MACROD2: variants seen among roughly 807,000 people sequenced by gnomAD.
MACROD2 encodes mono-ADP ribosylhydrolase 2.
MACROD2 carries 36 observed loss-of-function variants against 70.4 expected under a neutral mutation model. The ratio of observed to expected loss-of-function variants is 0.51; its 90% confidence interval spans 0.39 to 0.68. MACROD2 has a LOEUF of 0.68. MACROD2 is among the 30% of genes least tolerant of loss of function. MACROD2 has a pLI of 0.00. For missense variants in MACROD2, 496 were observed against 538.4 expected (o/e 0.92, Z 0.78); for synonymous variants, 172 against 178.8 (o/e 0.96, Z 0.30).
chr20:14,235,920 TA>T (rs5840599), intron 3 of MACROD2, among the ~76,000 whole-genome samples: 147,396 of 152,140 alleles, frequency 0.97, 71,416 homozygotes, highest in Admixed American at 0.99. Flanking sequence ...AAAACATACT[TA>T]ATAGTATTAC....
intron 8 of MACROD2, among the ~76,000 whole-genome samples, chr20:15,697,059 C>G (rs758940098): frequency 6.6e-6 from 1 of 151,896 alleles, no homozygotes; most frequent in Non-Finnish European, 1.5e-5. Context: ...TCATTTAGTT[C>G]TGCTCTGATC....
At chr20:15,428,602 A>G (rs2046328478) in intron 6 of MACROD2, among the ~76,000 whole-genome samples, 1 of 152,108 alleles carries the variant, frequency 6.6e-6, no homozygotes, top group Non-Finnish European at 1.5e-5. Context: ...TTATCACTTC[A>G]CCCAATTAAC....
At chr20:15,143,015 G>A (rs2076203869) in intron 5 of MACROD2, among the ~76,000 whole-genome samples, 1 of 151,870 alleles carries the variant, frequency 6.6e-6, no homozygotes, top group Non-Finnish European at 1.5e-5. Context: ...ATAATCCTTT[G>A]GGTATATACC....
At chr20:14,246,992 C>T (rs1000156080) in intron 3 of MACROD2, among the ~76,000 whole-genome samples, 2 of 152,060 alleles carry the variant, frequency 1.3e-5, no homozygotes, top group African/African-American at 4.8e-5. Context: ...CTTTTGTCTC[C>T]TCTCATTTTT....
At chr20:15,338,830 C>A (rs1463324176) in intron 6 of MACROD2, among the ~76,000 whole-genome samples, 3 of 151,384 alleles carry the variant, frequency 2.0e-5, no homozygotes, top group Non-Finnish European at 4.4e-5. Context: ...TATTTTCAAA[C>A]CTTGACTGGA....
At chr20:14,076,689 A>AC (rs1167565736) in intron 2 of MACROD2, among the ~76,000 whole-genome samples, 14 of 151,702 alleles carry the variant, frequency 9.2e-5, no homozygotes, top group Admixed American at 8.6e-4. Context: ...CTCACCTTCC[A>AC]CCCCCCAAAG....
At chr20:15,569,416 C>G (rs1442399878) in intron 8 of MACROD2, among the ~76,000 whole-genome samples, 1 of 152,074 alleles carries the variant, frequency 6.6e-6, no homozygotes, top group Non-Finnish European at 1.5e-5. Context: ...AACTTTAATT[C>G]TTTAGCATTT....
At chr20:15,345,374 A>C (rs1409467725) in intron 6 of MACROD2, among the ~76,000 whole-genome samples, 1 of 152,182 alleles carries the variant, frequency 6.6e-6, no homozygotes, top group African/African-American at 2.4e-5. Flanking sequence ...CTCTGATTTT[A>C]ATTGTCTGTA....
At chr20:14,946,638 A>C (rs2074434821) in intron 5 of MACROD2, among the ~76,000 whole-genome samples, 1 of 152,174 alleles carries the variant, frequency 6.6e-6, no homozygotes, top group African/African-American at 2.4e-5. Context: ...TATGAGAATA[A>C]GCAATAATTA....
At chr20:14,667,045 C>A (rs183656413) in intron 4 of MACROD2, among the ~76,000 whole-genome samples, 10 of 152,014 alleles carry the variant, frequency 6.6e-5, no homozygotes, top group African/African-American at 2.2e-4. Context: ...AGATCCAATA[C>A]TGTTCTTCTT....
Position 15,499,758 on chromosome 20 carries a change from C to A in MACROD2, c.572-16C>A, listed in dbSNP as rs185241645. On this transcript the variant is annotated splice_polypyrimidine_tract_variant and intron_variant, in intron 7 of 17. Transcript: ENST00000684519. ...ATCTTTCGTTGTTCATTTGTTTTTT[C>A]CTGCTCTTCATCTAGGCTTTCCCAA... is the stretch of plus-strand genomic sequence containing the variant. 6.2e-7 allele frequency: 1 copy of A among 1,613,088 alleles called. No individual in the cohort carries two copies. The highest frequency in any genetic ancestry group is 1.7e-5 in the Admixed American group (1 of 59,990).
At chr20:15,178,939 GACAGGACTATGAGGAAGCATA>G (rs1475667197) in intron 5 of MACROD2, among the ~76,000 whole-genome samples, 2 of 152,172 alleles carry the variant, frequency 1.3e-5, no homozygotes, top group Non-Finnish European at 2.9e-5. Flanking sequence ...TGGAAGAGAA[GACAGGACTATGAGGAAGCATA>G]AGGGAGGATT....
At chr20:15,063,708 T>C (rs2075552094) in intron 5 of MACROD2, among the ~76,000 whole-genome samples, 1 of 152,222 alleles carries the variant, frequency 6.6e-6, no homozygotes, top group Non-Finnish European at 1.5e-5. Flanking sequence ...CATGTGTGTA[T>C]AGAAAATGCT....
chr20:14,789,667 G>A (rs900386534), intron 5 of MACROD2, among the ~76,000 whole-genome samples: 1 of 151,228 alleles, frequency 6.6e-6, no homozygotes, highest in African/African-American at 2.4e-5. Flanking sequence ...GTAGAAGCGA[G>A]GTTTCACTAT....
At chr20:14,911,556 T>A (rs1487387761) in intron 5 of MACROD2, among the ~76,000 whole-genome samples, 4 of 152,020 alleles carry the variant, frequency 2.6e-5, no homozygotes, top group African/African-American at 9.7e-5. Context: ...TTTAAACTTT[T>A]TTTTTAAAGA....
At chr20:14,525,975 C>T (rs1949517332) in intron 4 of MACROD2, among the ~76,000 whole-genome samples, 2 of 152,074 alleles carry the variant, frequency 1.3e-5, no homozygotes, top group Admixed American at 1.3e-4. Flanking sequence ...GAAATATTTG[C>T]CATAAAATTG....
intron 3 of MACROD2, among the ~76,000 whole-genome samples, chr20:14,437,303 G>A (rs2122947294): frequency 6.6e-6 from 1 of 152,030 alleles, no homozygotes; most frequent in East Asian, 1.9e-4. Flanking sequence ...GTTTTAAAAA[G>A]GGTTTCTTGG....
In MACROD2 at chr20:15,572,110, T is replaced by C. The variant is rs543699027; in HGVS notation, c.645+72263T>C. Among the ~76,000 whole-genome samples the C allele has an allele frequency of 2.6e-5, 4 of 152,230 alleles. No individual in the cohort carries two copies. In the East Asian group the frequency reaches 7.7e-4, roughly 29 times the overall value. ...ACCCCTTTCACAAAATTTAAACTCT[T>C]TTCAGTTTAATCAAAAGGAAAGGGA... is the stretch of plus-strand genomic sequence containing the variant. On this transcript the variant is annotated intron_variant, in intron 8 of 17. Transcript: ENST00000684519.
At chr20:14,682,596 A>G (rs1848802033) in intron 4 of MACROD2, among the ~76,000 whole-genome samples, 1 of 151,966 alleles carries the variant, frequency 6.6e-6, no homozygotes, top group African/African-American at 2.4e-5. Flanking sequence ...AAATCTTTTC[A>G]TTTGAAGGAC....
Sources: allele counts gnomAD v4.1 joint callset (sites outside exome capture counted in the v4.1 genomes callset), GRCh38; gene constraint gnomAD v4.1.1; transcripts MANE v1.5; gene names NCBI Gene and HGNC (gene_info 2026-07-23, HGNC 2026-07-21).